The following FAM81A variants were observed in gnomAD, a reference collection of about 807,000 sequenced individuals.
FAM81A encodes the protein protein FAM81A.
In FAM81A, 19 loss-of-function variants were observed where a neutral mutation model predicts 46.7. The ratio of observed to expected loss-of-function variants is 0.41; its 90% CI spans 0.28 to 0.60. FAM81A has a LOEUF of 0.60. Among genes scored for constraint, FAM81A ranks in the 20% least tolerant of loss-of-function variants. The probability of loss-of-function intolerance (pLI) is 0.34; values close to 1 mark genes in which losing one functional copy is unlikely to be tolerated. For missense variants in FAM81A, 377 were observed against 453.5 expected (o/e 0.83, Z 1.53); for synonymous variants, 183 against 152.9 (o/e 1.20, Z -1.45).
intron 1 of FAM81A, among the ~76,000 whole-genome samples, chr15:59,449,736 C>T (rs1201718659): frequency 5.0e-4 from 62 of 122,868 alleles, no homozygotes; most frequent in Admixed American, 2.3e-4. Flanking sequence ...GAGCCGAGAT[C>T]GCGCCACTGC....
chr15:59,439,617 A>T (rs758741990), intron 1 of FAM81A, among the ~76,000 whole-genome samples: 6 of 152,170 alleles, frequency 3.9e-5, no homozygotes, highest in Non-Finnish European at 8.8e-5. Context: ...ATCTGATTTC[A>T]TCTGTATAAG....
intron 2 of FAM81A, among the ~76,000 whole-genome samples, chr15:59,410,780 T>G (rs2081116955): frequency 6.6e-6 from 1 of 152,226 alleles, no homozygotes; most frequent in Non-Finnish European, 1.5e-5. Context: ...TGTTGGCTCC[T>G]TCACCCAGGC....
chr15:59,434,052 G>A (rs1429597770), upstream of FAM81A, among the ~76,000 whole-genome samples: 2 of 152,094 alleles, frequency 1.3e-5, no homozygotes, highest in African/African-American at 4.8e-5. Flanking sequence ...GACGGGTTTC[G>A]CCATGTTGGC....
intron 3 of FAM81A, among the ~76,000 whole-genome samples, chr15:59,491,440 G>A (rs536870532): frequency 6.6e-5 from 10 of 152,094 alleles, no homozygotes; most frequent in Admixed American, 3.9e-4. Context: ...GGGGGGTGGG[G>A]TGGAAATGTG....
At chr15:59,427,960 T>C (rs1302790942) in intron 2 of FAM81A, among the ~76,000 whole-genome samples, 2 of 152,284 alleles carry the variant, frequency 1.3e-5, no homozygotes, top group Admixed American at 6.5e-5. Flanking sequence ...GCTCTATTTT[T>C]AGATTTTTGA....
At chr15:59,486,799 A>G (rs1292565312) in intron 3 of FAM81A, among the ~76,000 whole-genome samples, 3 of 152,206 alleles carry the variant, frequency 2.0e-5, no homozygotes, top group East Asian at 1.9e-4. Flanking sequence ...CTATACTTCA[A>G]ACTTGAAGGA....
intron 3 of FAM81A, among the ~76,000 whole-genome samples, chr15:59,468,735 T>C (rs1408138024): frequency 6.6e-6 from 1 of 152,152 alleles, no homozygotes; most frequent in Non-Finnish European, 1.5e-5. Context: ...TTGAGCTTAG[T>C]TATTTCTTGC....
chr15:59,421,741 ATCTG>A (rs60715658), intron 2 of FAM81A, among the ~76,000 whole-genome samples: 49,811 of 116,976 alleles, frequency 0.43, 9,227 homozygotes, highest in African/African-American at 0.47. Context: ...CTATCTATCT[ATCTG>A]TCTATCTATC....
At chr15:59,424,610 C>T (rs2141556613) in intron 2 of FAM81A, among the ~76,000 whole-genome samples, 1 of 152,322 alleles carries the variant, frequency 6.6e-6, no homozygotes, top group Non-Finnish European at 1.5e-5. Context: ...CTGCTTTTCC[C>T]ACAGAGTTCT....
chr15:59,424,401 C>G (rs980590776), intron 2 of FAM81A, among the ~76,000 whole-genome samples: 1 of 152,174 alleles, frequency 6.6e-6, no homozygotes, highest in Non-Finnish European at 1.5e-5. Flanking sequence ...CACATCTTCC[C>G]TAGATAATCT....
intron 4 of FAM81A, among the ~76,000 whole-genome samples, chr15:59,506,484 T>G (rs1177140855): frequency 1.3e-5 from 2 of 152,206 alleles, no homozygotes; most frequent in Non-Finnish European, 2.9e-5. Flanking sequence ...TTGCTCCGAT[T>G]GCAGAGTCAC....
At chr15:59,431,557 A>G (rs2081220243) in intron 2 of FAM81A, among the ~76,000 whole-genome samples, 1 of 144,020 alleles carries the variant, frequency 6.9e-6, no homozygotes, top group African/African-American at 2.6e-5. Flanking sequence ...TTTGAGACAG[A>G]GTCTTACTAT....
intron 2 of FAM81A, among the ~76,000 whole-genome samples, chr15:59,418,365 A>G (rs2081156128): frequency 6.6e-6 from 1 of 152,224 alleles, no homozygotes; most frequent in Non-Finnish European, 1.5e-5. Flanking sequence ...TTTACAATCA[A>G]TCAAACTCAT....
chr15:59,479,881 A>G (rs1398137437), intron 3 of FAM81A, among the ~76,000 whole-genome samples: 2 of 152,240 alleles, frequency 1.3e-5, no homozygotes, highest in Non-Finnish European at 2.9e-5. Flanking sequence ...GGGCTACATT[A>G]GTGAATAAAA....
At chr15:59,495,044 A>C (rs571984042) in intron 4 of FAM81A, among the ~76,000 whole-genome samples, 1 of 152,270 alleles carries the variant, frequency 6.6e-6, no homozygotes, top group Non-Finnish European at 1.5e-5. Context: ...CTTTAGTGAG[A>C]TCTAACTATA....
Position 59,460,165 on chromosome 15 carries a change from A to G in FAM81A, c.253A>G (p.Asn85Asp), listed in dbSNP as rs779969211. The G allele has an allele frequency of 1.2e-6, 2 of 1,614,070 alleles. No homozygotes were observed. Among genetic ancestry groups the G allele is most frequent in the Non-Finnish European group, 1.7e-6 (2 of 1,179,890 alleles). The change falls in exon 3 of 9, where the codon AAC becomes GAC. Residue 85 changes from asparagine to aspartate, a missense_variant. Transcript: ENST00000288228. The surrounding 1 kb of genome is among the most constrained non-coding windows in gnomAD (Gnocchi z 4.4). ...ARLFLEEHIR[N>D]ITAIVKQLNR... ...GCTTTTCTTGGAGGAGCATATCAGA[A>G]ACATAACTGCCATAGTGAAGCAACT...
At chr15:59,494,622 T>A (rs1278820226) in intron 4 of FAM81A, among the ~76,000 whole-genome samples, 1 of 152,308 alleles carries the variant, frequency 6.6e-6, no homozygotes. Flanking sequence ...GTACTAAATA[T>A]TTTTGCTTTG....
intron 2 of FAM81A, among the ~76,000 whole-genome samples, chr15:59,421,851 CAG>C (rs1476973617): frequency 4.0e-5 from 6 of 150,270 alleles, no homozygotes; most frequent in Admixed American, 2.7e-4. Flanking sequence ...TCCTTGGGGA[CAG>C]ATTAAACCCT....
chr15:59,452,238 A>C (rs759716297), intron 1 of FAM81A, among the ~76,000 whole-genome samples: 4 of 152,246 alleles, frequency 2.6e-5, no homozygotes, highest in Non-Finnish European at 4.4e-5. Context: ...TAAGATACCA[A>C]AAAGCTGAAC....
Sources: gnomAD v4.1 joint callset for allele counts (sites outside exome capture counted in the v4.1 genomes callset) on GRCh38, gnomAD v4.1.1 for gene constraint, Gnocchi (gnomAD v3.1) non-coding constraint, MANE v1.5 for transcripts, NCBI Gene and HGNC (gene_info 2026-07-23, HGNC 2026-07-21) for gene names.